Variants in COG5 observed in about 807,000 individuals in gnomAD.
COG5 encodes conserved oligomeric Golgi complex subunit 5.
COG5 carries 86 observed loss-of-function variants against 110.4 expected under a neutral mutation model. The observed-to-expected ratio is 0.78, with a 90% CI of 0.65 to 0.93. The LOEUF (loss-of-function observed/expected upper bound fraction) is 0.93. Ranked by LOEUF, COG5 falls within the 40% of genes least tolerant of loss-of-function variation. COG5 has a pLI of 0.00. For missense variants in COG5, 1,077 were observed against 987.0 expected (o/e 1.09, Z -1.22); for synonymous variants, 360 against 334.6 (o/e 1.08, Z -0.83).
At chr7:107,421,072 T>C (rs753764945) in intron 6 of COG5, among the ~76,000 whole-genome samples, 1 of 152,234 alleles carries the variant, frequency 6.6e-6, no homozygotes, top group African/African-American at 2.4e-5. Context: ...TCAGAGCCAA[T>C]GGAAAGAAAA....
chr7:107,271,639 T>G (rs994389967), intron 14 of COG5, among the ~76,000 whole-genome samples: 1 of 152,168 alleles, frequency 6.6e-6, no homozygotes, highest in Non-Finnish European at 1.5e-5. Flanking sequence ...TGGTTTTCAG[T>G]GATACCTTGT....
At chr7:107,454,927 A>G (rs1035941949) in intron 6 of COG5, among the ~76,000 whole-genome samples, 3 of 152,190 alleles carry the variant, frequency 2.0e-5, no homozygotes, top group African/African-American at 7.2e-5. Flanking sequence ...ATGTTCTAAT[A>G]TGTCTTAATA....
intron 19 of COG5, among the ~76,000 whole-genome samples, chr7:107,220,060 TG>T (rs1436104880): frequency 1.3e-5 from 2 of 152,224 alleles, no homozygotes; most frequent in African/African-American, 2.4e-5. Flanking sequence ...AAGCTAGAAG[TG>T]GCAAAGCAAG....
chr7:107,277,448 A>T (rs1804786628), intron 14 of COG5, among the ~76,000 whole-genome samples: 1 of 152,186 alleles, frequency 6.6e-6, no homozygotes, highest in Admixed American at 6.5e-5. Flanking sequence ...AAAAAACAAG[A>T]GAACAACAAC....
chr7:107,352,931 G>C (rs571980389), intron 10 of COG5, among the ~76,000 whole-genome samples: 1 of 152,136 alleles, frequency 6.6e-6, no homozygotes, highest in Non-Finnish European at 1.5e-5. Flanking sequence ...TTTCCAATGT[G>C]TGGATCCTTA....
chr7:107,286,631 A>G (rs534853418), intron 12 of COG5, among the ~76,000 whole-genome samples: 1 of 152,210 alleles, frequency 6.6e-6, no homozygotes. Context: ...GCAACTCTTC[A>G]ATCTTTATAG....
intron 8 of COG5, 33 bp from the exon 9 acceptor site, chr7:107,362,453 A>G (rs1437074526): frequency 2.2e-6 from 3 of 1,372,584 alleles, no homozygotes; most frequent in East Asian, 2.3e-5. Context: ...AATGAAAAAT[A>G]AAGTTTTCCA....
chr7:107,329,565 A>G (rs2129030064), intron 10 of COG5, among the ~76,000 whole-genome samples: 1 of 152,236 alleles, frequency 6.6e-6, no homozygotes, highest in Middle Eastern at 3.4e-3. Flanking sequence ...ATATAAAAAG[A>G]TAGAATGTTA....
intron 10 of COG5, among the ~76,000 whole-genome samples, chr7:107,352,937 C>G (rs1258929319): frequency 1.3e-5 from 2 of 152,086 alleles, no homozygotes; most frequent in African/African-American, 4.8e-5. Flanking sequence ...ATGTGTGGAT[C>G]CTTAATAATT....
intron 10 of COG5, among the ~76,000 whole-genome samples, chr7:107,339,940 T>G (rs1254599711): frequency 1.3e-5 from 2 of 151,826 alleles, no homozygotes; most frequent in Non-Finnish European, 2.9e-5. Flanking sequence ...TCATTTAACA[T>G]CACACATAGA....
chr7:107,325,560 A>G (rs1001954351), intron 10 of COG5, among the ~76,000 whole-genome samples: 2 of 152,202 alleles, frequency 1.3e-5, no homozygotes, highest in African/African-American at 4.8e-5. Context: ...CTGAGGCAGG[A>G]GAATCACTTA....
chr7:107,495,133 T>G (rs1798196223), intron 6 of COG5, among the ~76,000 whole-genome samples: 1 of 152,124 alleles, frequency 6.6e-6, no homozygotes, highest in African/African-American at 2.4e-5. Context: ...TGCACAGCTA[T>G]AATGGCAGAA....
intron 6 of COG5, chr7:107,472,581 T>A (rs1796701394): frequency 6.6e-6 from 1 of 152,002 alleles, no homozygotes; most frequent in African/African-American, 2.4e-5. Flanking sequence ...TCAGAAAATT[T>A]GGCACACTTA....
chr7:107,521,158 G>A (rs77538639), intron 6 of COG5, among the ~76,000 whole-genome samples: 2 of 152,154 alleles, frequency 1.3e-5, no homozygotes, highest in Admixed American at 1.3e-4. Context: ...ATAGATTAAA[G>A]ACTTAAATGT....
chr7:107,450,029 G>C (rs938882198), intron 6 of COG5: 1 of 152,174 alleles, frequency 6.6e-6, no homozygotes, highest in African/African-American at 2.4e-5. Context: ...AAGGGGTGTG[G>C]CTTTAAAAAT....
At chr7:107,517,085 A>T (rs1195247819) in intron 6 of COG5, among the ~76,000 whole-genome samples, 1 of 152,188 alleles carries the variant, frequency 6.6e-6, no homozygotes, top group Non-Finnish European at 1.5e-5. Context: ...GTTCTAACCC[A>T]ATGCAAAGAA....
At chr7:107,468,899 T>C (rs1796461962) in intron 6 of COG5, among the ~76,000 whole-genome samples, 1 of 151,898 alleles carries the variant, frequency 6.6e-6, no homozygotes, top group Non-Finnish European at 1.5e-5. Context: ...TTTTATCTAC[T>C]TAAGTCTAAA....
At chr7:107,213,011 G>C (rs969036361) in intron 19 of COG5, among the ~76,000 whole-genome samples, 1 of 152,174 alleles carries the variant, frequency 6.6e-6, no homozygotes, top group African/African-American at 2.4e-5. Flanking sequence ...GGGAATACTG[G>C]AGTAACTGCA....
intron 7 of COG5, among the ~76,000 whole-genome samples, chr7:107,382,747 A>AT: frequency 6.6e-6 from 1 of 152,208 alleles, no homozygotes; most frequent in Non-Finnish European, 1.5e-5. Context: ...CCTAAAGTCT[A>AT]TTTTTCAAAG....
Sources: gnomAD v4.1 joint callset for allele counts (sites outside exome capture counted in the v4.1 genomes callset) on GRCh38, gnomAD v4.1.1 for gene constraint, MANE v1.5 for transcripts, NCBI Gene and HGNC (gene_info 2026-07-23, HGNC 2026-07-21) for gene names.